The following AGBL1 variants were observed in gnomAD, a reference collection of about 807,000 sequenced individuals.
The protein encoded by AGBL1 is cytosolic carboxypeptidase 4.
Under a neutral mutation model 118.9 loss-of-function variants are expected in AGBL1, and 130 were observed. That is an observed-to-expected ratio of 1.09 (90% CI 0.95 to 1.26). The LOEUF (loss-of-function observed/expected upper bound fraction) is 1.26. Ranked by LOEUF, AGBL1 falls within the 50% of genes most tolerant of loss-of-function variation. AGBL1 has a pLI of 0.00. For synonymous variants in AGBL1, 555 were observed against 478.9 expected, an observed-to-expected ratio of 1.16 and a Z score of -2.08; for missense variants, 1,584 against 1,298.1, an observed-to-expected ratio of 1.22 and a Z score of -3.38.
chr15:86,683,980 C>T (rs989963759), intron 22 of AGBL1, among the ~76,000 whole-genome samples: 42 of 151,924 alleles, frequency 2.8e-4, no homozygotes, highest in East Asian at 1.7e-3. Context: ...TGGCTCTTAC[C>T]GAAGAGCTAG....
chr15:86,272,671 A>T (rs1028087226), intron 15 of AGBL1, among the ~76,000 whole-genome samples: 1 of 152,182 alleles, frequency 6.6e-6, no homozygotes, highest in Non-Finnish European at 1.5e-5. Context: ...TTGTTGCTGT[A>T]TCAGATACAA....
chr15:86,755,007 G>T (rs1173927348), intron 22 of AGBL1, among the ~76,000 whole-genome samples: 1 of 152,062 alleles, frequency 6.6e-6, no homozygotes, highest in Non-Finnish European at 1.5e-5. Flanking sequence ...TGGGACTTGA[G>T]ATTTATCAGA....
At position 86,819,741 on chromosome 15, in the gene AGBL1, C is replaced by T. The variant is rs562059113; in HGVS notation, c.3159-87346C>T. Among the ~76,000 whole-genome samples, 7 of 152,268 alleles carry T rather than the reference C, an allele frequency of 4.6e-5. No individual in the cohort carries two copies. In the East Asian group the frequency reaches 5.8e-4, roughly 13 times the overall value. On this transcript the variant is annotated intron_variant, in intron 22 of 22. Transcript: ENST00000614907. ...CCCAAAGTAATTTATAGATTCAATG[C>T]TATCCCCATCAACTACCATTAACTT...
chr15:86,403,838 C>T (rs1400151118), intron 18 of AGBL1, among the ~76,000 whole-genome samples: 1 of 152,174 alleles, frequency 6.6e-6, no homozygotes, highest in East Asian at 1.9e-4. Flanking sequence ...TTAACATGTT[C>T]TTGCAGGGCA....
rs1212404239 is a variant in AGBL1 at position 86,972,518 on chromosome 15, A to C, written c.3222-15469A>C. 1.1e-4 allele frequency among the ~76,000 whole-genome samples: 16 copies of C among 152,164 alleles called. No homozygotes were observed. The East Asian group carries it at 2.3e-3, about 22-fold the overall frequency. ...TATTAAATTTATAACTTCTGATTTGAAAATAAGAATCTTATCTATCACACT... is the reference window on the plus strand; with the variant it reads ...TATTAAATTTATAACTTCTGATTTGCAAATAAGAATCTTATCTATCACACT... On this transcript the variant is annotated intron_variant, in intron 23 of 24. Transcript: ENST00000441037.
chr15:86,237,908 T>C (rs2078579085), intron 6 of AGBL1, among the ~76,000 whole-genome samples: 1 of 152,204 alleles, frequency 6.6e-6, no homozygotes, highest in Non-Finnish European at 1.5e-5. Flanking sequence ...CCTTGCTTTC[T>C]TCACCTGGCT....
At chr15:86,864,065 T>C (rs557675319) in intron 22 of AGBL1, among the ~76,000 whole-genome samples, 36 of 152,288 alleles carry the variant, frequency 2.4e-4, no homozygotes, top group African/African-American at 7.7e-4. Flanking sequence ...CACAGCACTT[T>C]TTACTACTTA....
At chr15:86,264,931 G>C in intron 11 of AGBL1, 93 bp downstream of exon 11, 2 of 1,168,992 alleles carry the variant, frequency 1.7e-6, no homozygotes, top group Non-Finnish European at 2.3e-6. Context: ...ACTATCTATA[G>C]GAAAGAGAGC....
chr15:86,371,263 AAGG>A (rs2080966691), intron 17 of AGBL1, among the ~76,000 whole-genome samples: 2 of 152,196 alleles, frequency 1.3e-5, no homozygotes, highest in African/African-American at 4.8e-5. Flanking sequence ...AGAGATTTGA[AAGG>A]AGTTCACAGG....
intron 23 of AGBL1, among the ~76,000 whole-genome samples, chr15:86,969,133 C>T (rs1457318386): frequency 6.6e-6 from 1 of 151,964 alleles, no homozygotes; most frequent in Admixed American, 6.6e-5. Flanking sequence ...AAAGTATTCA[C>T]TTGTTCTAGC....
chr15:86,143,926 G>A, intron 3 of AGBL1, 81 bp downstream of exon 3: 6 of 1,511,538 alleles, frequency 4.0e-6, no homozygotes, highest in Non-Finnish European at 5.4e-6. Flanking sequence ...GGAAGCTTTG[G>A]TGGAGTAGCA....
chr15:86,533,046 T>C (rs1362486587), intron 19 of AGBL1, among the ~76,000 whole-genome samples: 6 of 97,578 alleles, frequency 6.1e-5, no homozygotes, highest in Admixed American at 8.9e-5. Context: ...AGGACATAGG[T>C]GTGGGCAAGG....
intron 22 of AGBL1, among the ~76,000 whole-genome samples, chr15:86,719,016 T>TC (rs1029797893): frequency 6.6e-6 from 1 of 151,600 alleles, no homozygotes; most frequent in Non-Finnish European, 1.5e-5. Context: ...AACACCCCTT[T>TC]CCCCCCATTC....
intron 18 of AGBL1, among the ~76,000 whole-genome samples, chr15:86,487,103 G>T (rs1268204400): frequency 1.3e-5 from 2 of 152,064 alleles, no homozygotes; most frequent in Admixed American, 6.6e-5. Flanking sequence ...CCTTGGGCTT[G>T]CCAGCTCTTT....
At chr15:86,154,166 T>G (rs547890291) in intron 3 of AGBL1, among the ~76,000 whole-genome samples, 60 of 152,322 alleles carry the variant, frequency 3.9e-4, no homozygotes, top group Non-Finnish European at 6.9e-4. Flanking sequence ...CTGTGGTTAA[T>G]GTATGAGGAC....
At chr15:86,925,228 A>G (rs2080524303) in intron 23 of AGBL1, among the ~76,000 whole-genome samples, 1 of 140,146 alleles carries the variant, frequency 7.1e-6, no homozygotes, top group Admixed American at 7.3e-5. Flanking sequence ...AGAAAGAAGA[A>G]CCTGAACCTG....
intron 22 of AGBL1, among the ~76,000 whole-genome samples, chr15:86,681,691 CT>C (rs2085960569): frequency 6.6e-6 from 1 of 152,100 alleles, no homozygotes; most frequent in Non-Finnish European, 1.5e-5. Flanking sequence ...TCTTTAAGCC[CT>C]TTTATGGTCT....
intron 3 of AGBL1, among the ~76,000 whole-genome samples, chr15:86,150,560 C>A (rs537968151): frequency 1.3e-5 from 2 of 152,126 alleles, no homozygotes. Flanking sequence ...TACACCCTCC[C>A]AAGACTAAAC....
chr15:86,137,822 C>T (rs2076909448), intron 1 of AGBL1, among the ~76,000 whole-genome samples: 1 of 152,134 alleles, frequency 6.6e-6, no homozygotes, highest in South Asian at 2.1e-4. Context: ...ATGGGGTTTT[C>T]TCAGAGGCAG....
Sources: gnomAD v4.1 joint callset for allele counts (sites outside exome capture counted in the v4.1 genomes callset) on GRCh38, gnomAD v4.1.1 for gene constraint, MANE v1.5 for transcripts, NCBI Gene and HGNC (gene_info 2026-07-23, HGNC 2026-07-21) for gene names.